HSPG2: variants seen among roughly 807,000 people sequenced by gnomAD.
HSPG2 encodes the protein heparan sulfate proteoglycan 2.
In HSPG2, 278 loss-of-function variants were observed where a neutral mutation model predicts 526.6. The ratio of observed to expected loss-of-function variants is 0.53; its 90% CI spans 0.48 to 0.58. The LOEUF (loss-of-function observed/expected upper bound fraction) is 0.58, where lower values mean the gene tolerates loss of function less well. Among genes scored for constraint, HSPG2 ranks in the 20% least tolerant of loss-of-function variants. HSPG2 has a pLI of 0.00. For synonymous variants in HSPG2, 2,465 were observed against 2,555.4 expected, an observed-to-expected ratio of 0.96 and a Z score of 1.07; for missense variants, 5,354 against 6,099.5, an observed-to-expected ratio of 0.88 and a Z score of 4.07.
intron 39 of HSPG2, among the ~76,000 whole-genome samples, chr1:21,861,509 A>G (rs1463657044): frequency 6.6e-6 from 1 of 151,464 alleles, no homozygotes; most frequent in Non-Finnish European, 1.5e-5. Flanking sequence ...AGAAAGAAAA[A>G]GCATTTAAAA....
Position 21,831,477 on chromosome 1 carries a change from C to G in HSPG2, c.11438G>C (p.Ser3813Thr), listed in dbSNP as rs1177854732. 1 of 1,613,940 alleles carries G rather than the reference C, an allele frequency of 6.2e-7. No homozygotes were observed. The highest frequency in any genetic ancestry group is 1.3e-5 in the African/African-American group (1 of 74,928). The change falls in exon 83 of 97, where the codon AGC becomes ACC. Residue 3813 changes from serine to threonine, a missense_variant. Coordinates refer to ENST00000374695, the MANE Select transcript of HSPG2 (RefSeq NM_005529.7). The part of the protein sequence containing the change: ...DYGAIPKAGL[S>T]SGFIGCVREL... ...AGGGGGCTCACCTATGAAGCCGCTGCTCAGCCCCGCCTTGGGGATGGCACC... is the reference window on the plus strand; with the variant it reads ...AGGGGGCTCACCTATGAAGCCGCTGGTCAGCCCCGCCTTGGGGATGGCACC...
rs142433309 is a variant in HSPG2, at chr1:21,861,796, G to A, written c.4916C>T (p.Thr1639Met). 3.0e-3 allele frequency: 4,882 copies of A among 1,613,756 alleles called. 15 individuals are homozygous for A. Among genetic ancestry groups the A allele is most frequent in the Non-Finnish European group, 3.8e-3 (4,494 of 1,179,970 alleles). Residue 1639 changes from threonine (T) to methionine (M), a missense_variant, in exon 39 of 97, where the codon ACG (threonine) becomes ATG (methionine). Physicochemically the swap from Thr to Met is moderately conservative, Grantham distance 81 (BLOSUM62 -1). Coordinates refer to ENST00000374695, the MANE Select transcript of HSPG2 (RefSeq NM_005529.7). ...ESLGAGGYRCTACEPGYTGQY... is the reference protein window; with the variant it reads ...ESLGAGGYRCMACEPGYTGQY... Reference sequence around the variant, plus strand: ...GCCAGTGTAGCCGGGTTCGCAGGCCGTGCAGCGGTACCCGCCGGCTCCCAG... The same window carrying A: ...GCCAGTGTAGCCGGGTTCGCAGGCCATGCAGCGGTACCCGCCGGCTCCCAG...
Position 21,937,236 on chromosome 1 carries a change from C to G in HSPG2, c.-19G>C. The G allele has an allele frequency of 1.1e-6, 1 of 951,778 alleles. No homozygotes were observed. The allele number at this position is 951,778 out of a possible 1,614,324, so 59.0% of individuals were successfully genotyped here. ...ACCCCATGGCCCGGCCCGCGCCGCT[C>G]TCTCGCTCGCTCGCTCCGCGCCGCC... On this transcript the variant is annotated 5_prime_UTR_variant, in exon 1 of 97. Coordinates refer to ENST00000374695, the MANE Select transcript of HSPG2 (RefSeq NM_005529.7).
intron 14 of HSPG2, 52 bp from the exon 15 acceptor site, chr1:21,880,887 T>A: frequency 6.6e-7 from 1 of 1,524,492 alleles, no homozygotes; most frequent in Non-Finnish European, 8.9e-7. Context: ...ACTTGACACC[T>A]CGTGCCTATG....
chr1:21,872,815 C>A lies in HSPG2; in HGVS notation c.3889-55G>T. Reference sequence around the variant, plus strand: ...GGGGACTCAGTGGGTCTCCTGCACCCCCAGCAGCCTGAGGCCAGCCTCCCT... The same window carrying A: ...GGGGACTCAGTGGGTCTCCTGCACCACCAGCAGCCTGAGGCCAGCCTCCCT... On this transcript the variant is annotated intron_variant, in intron 31 of 96. Coordinates refer to ENST00000374695, the MANE Select transcript of HSPG2 (RefSeq NM_005529.7). The surrounding 1 kb of genome is among the most constrained non-coding windows in gnomAD (Gnocchi z 5.5). The A allele has an allele frequency of 1.3e-6, 2 of 1,589,882 alleles. No individual in the cohort carries two copies. Among genetic ancestry groups the A allele is most frequent in the Non-Finnish European group, 1.7e-6 (2 of 1,168,520 alleles).
Position 21,881,389 on chromosome 1 carries a change from G to C in HSPG2, c.1768C>G (p.Leu590Val). ...AGAGCCCAGAAGGAGTCGTGGACGAGGAAGCGGCGGGACAGGTCGACTAGC... is the reference window on the plus strand; with the variant it reads ...AGAGCCCAGAAGGAGTCGTGGACGACGAAGCGGCGGGACAGGTCGACTAGC... ...FQLVDLSRRF[L>V]VHDSFWALPE... Residue 590 changes from leucine (L) to valine (V), a missense_variant, in exon 14 of 97, where the codon CTC becomes GTC. Coordinates refer to ENST00000374695, the MANE Select transcript of HSPG2 (RefSeq NM_005529.7). 1 of 1,614,204 alleles carries C rather than the reference G, an allele frequency of 6.2e-7. No homozygotes were observed. Among genetic ancestry groups the C allele is most frequent in the Non-Finnish European group, 8.5e-7 (1 of 1,180,046 alleles).
chr1:21,836,745 C>T, intron 75 of HSPG2, 57 bp downstream of exon 75: 1 of 1,457,256 alleles, frequency 6.9e-7, no homozygotes, highest in Admixed American at 2.0e-5. Flanking sequence ...TAACTCTGCT[C>T]ACTGTGAGCC....
chr1:21,848,132 T>G lies in HSPG2; in HGVS notation c.7738-39A>C, dbSNP rs754948300. The G allele has an allele frequency of 3.2e-5, 49 of 1,551,166 alleles. No homozygotes were observed. The highest frequency in any genetic ancestry group is 4.3e-5 in the Non-Finnish European group (49 of 1,149,922). ...ATGGCAGGAGGTATGGCAGTAGGTGTGGGCAGCTCCTCCACATCTTGGGCA... is the reference window on the plus strand; with the variant it reads ...ATGGCAGGAGGTATGGCAGTAGGTGGGGGCAGCTCCTCCACATCTTGGGCA... On this transcript the variant is annotated intron_variant, in intron 59 of 96. Transcript: ENST00000374695. This position sits in a 1 kb window ranked among gnomAD's most constrained non-coding sequence, Gnocchi z 4.9.
intron 40 of HSPG2, 68 bp downstream of exon 40, chr1:21,860,109 T>C (rs1639675515): frequency 1.2e-6 from 2 of 1,605,536 alleles, no homozygotes; most frequent in East Asian, 2.2e-5. Flanking sequence ...CCAGACCCAG[T>C]ATCCCCCAAA....
At position 21,839,127 on chromosome 1, in the gene HSPG2, G is replaced by T. The variant is rs1446074077; in HGVS notation, c.9890-42C>A. ...AGAGGTCAGGATTGGGGAGGGCAAAGGTCAGAATGGCAGCAGGTCGTTGGA... is the reference window on the plus strand; with the variant it reads ...AGAGGTCAGGATTGGGGAGGGCAAATGTCAGAATGGCAGCAGGTCGTTGGA... On this transcript the variant is annotated intron_variant, in intron 73 of 96. Coordinates refer to ENST00000374695, the MANE Select transcript of HSPG2 (RefSeq NM_005529.7). This position sits in a 1 kb window ranked among gnomAD's most constrained non-coding sequence, Gnocchi z 4.5. 3 of 1,553,300 alleles carry T rather than the reference G, an allele frequency of 1.9e-6. No homozygotes were observed. The highest frequency in any genetic ancestry group is 2.6e-6 in the Non-Finnish European group (3 of 1,147,360).
chr1:21,829,305 G>T, intron 87 of HSPG2, 78 bp downstream of exon 87: 1 of 1,486,718 alleles, frequency 6.7e-7, no homozygotes, highest in Non-Finnish European at 9.4e-7. Context: ...ATCCTCCCAT[G>T]CCTCCCTGGG....
Position 21,887,756 on chromosome 1 carries a change from C to T in HSPG2, c.704-82G>A. The T allele has an allele frequency of 6.3e-7, 1 of 1,587,972 alleles. No individual in the cohort carries two copies. The highest frequency in any genetic ancestry group is 2.2e-5 in the East Asian group (1 of 44,752). On this transcript the variant is annotated intron_variant, in intron 7 of 96. Transcript: ENST00000374695. The surrounding 1 kb of genome is among the most constrained non-coding windows in gnomAD (Gnocchi z 5.0). ...TTGTCCCCAACCCTCCCCAGGCCCA[C>T]CCTGTACTCCCCAACACCACTCCCT...
intron 64 of HSPG2, among the ~76,000 whole-genome samples, 170 bp from the exon 65 acceptor site, chr1:21,844,469 C>G (rs1331680540): frequency 6.6e-6 from 1 of 152,234 alleles, no homozygotes; most frequent in Non-Finnish European, 1.5e-5. Flanking sequence ...GGAGGCACTT[C>G]TCATTCCCCC....
chr1:21,842,462 CAA>C (rs1342442911), intron 67 of HSPG2, 82 bp from the exon 68 acceptor site: 6 of 1,436,734 alleles, frequency 4.2e-6, no homozygotes, highest in East Asian at 5.0e-5. Flanking sequence ...TGCCGGTACC[CAA>C]GAGTTCTCTC....
intron 1 of HSPG2, among the ~76,000 whole-genome samples, chr1:21,906,679 A>G (rs1383874437): frequency 7.3e-6 from 1 of 136,532 alleles, no homozygotes; most frequent in Non-Finnish European, 1.5e-5. Context: ...CACAAAGCTG[A>G]GCTGCCTCCC....
intron 52 of HSPG2, 81 bp from the exon 53 acceptor site, chr1:21,852,314 C>T: frequency 6.4e-7 from 1 of 1,560,838 alleles, no homozygotes; most frequent in East Asian, 2.2e-5. Context: ...GCAGCTAGCT[C>T]AGCCCAGGGT....
rs139855779 is a variant in HSPG2 at position 21,844,188 on chromosome 1, G to A, written c.8576C>T (p.Thr2859Met). 2.1e-4 allele frequency: 338 copies of A among 1,613,660 alleles called. 2 individuals are homozygous for A. The highest frequency in any genetic ancestry group is 9.3e-5 in the African/African-American group (7 of 74,946). The change falls in exon 65 of 97, where the codon ACG (threonine) becomes ATG (methionine). Residue 2859 changes from threonine to methionine, a missense_variant. Coordinates refer to ENST00000374695, the MANE Select transcript of HSPG2 (RefSeq NM_005529.7). Reference sequence around the variant, plus strand: ...GAGGTTTCCTCCACGCTTGTGCCACGTGACCTGGGCGTGGGCCTGCCCGGG... The same window carrying A: ...GAGGTTTCCTCCACGCTTGTGCCACATGACCTGGGCGTGGGCCTGCCCGGG... ...VVPGQAHAQV[T>M]WHKRGGNLPA...
intron 1 of HSPG2, chr1:21,908,341 G>A (rs1057486160): frequency 1.9e-6 from 2 of 1,058,858 alleles, no homozygotes; most frequent in Non-Finnish European, 1.5e-6. Context: ...ACAAGTTAAG[G>A]GCAAGATTCT....
intron 74 of HSPG2, among the ~76,000 whole-genome samples, chr1:21,838,565 A>C (rs1284652862): frequency 6.6e-6 from 1 of 152,214 alleles, no homozygotes; most frequent in Non-Finnish European, 1.5e-5. Context: ...GTGCTTATGT[A>C]CACAGAATGG....
Sources: gnomAD v4.1 joint callset for allele counts (sites outside exome capture counted in the v4.1 genomes callset) on GRCh38, gnomAD v4.1.1 for gene constraint, Gnocchi (gnomAD v3.1) non-coding constraint, MANE v1.5 for transcripts, NCBI Gene and HGNC (gene_info 2026-07-23, HGNC 2026-07-21) for gene names.